The following ATG7 variants were observed in gnomAD, a reference collection of about 807,000 sequenced individuals.
ATG7 encodes ubiquitin-like modifier-activating enzyme ATG7.
A neutral mutation model predicts 82.4 loss-of-function variants in ATG7; 70 were observed. The ratio of observed to expected loss-of-function variants is 0.85; its 90% confidence interval spans 0.70 to 1.04. The LOEUF is 1.04. ATG7 is among the 50% of genes least tolerant of loss of function. The pLI is 0.00. For synonymous variants in ATG7, 287 were observed against 313.0 expected, an observed-to-expected ratio of 0.92 and a Z score of 0.88; for missense variants, 792 against 864.3, an observed-to-expected ratio of 0.92 and a Z score of 1.05.
At chr3:11,351,172 C>T (rs939997701) in intron 14 of ATG7, among the ~76,000 whole-genome samples, 2 of 152,136 alleles carry the variant, frequency 1.3e-5, no homozygotes, top group Non-Finnish European at 2.9e-5. Context: ...TAAGACCTCC[C>T]GTGTTCCAGG....
intron 1 of ATG7, among the ~76,000 whole-genome samples, chr3:11,278,624 C>T (rs913034161): frequency 2.6e-5 from 4 of 152,040 alleles, no homozygotes; most frequent in South Asian, 2.1e-4. Flanking sequence ...GAAGCTGGCA[C>T]GGTTCCTTTC....
At chr3:11,468,882 T>C (rs954288870) in intron 20 of ATG7, among the ~76,000 whole-genome samples, 1 of 152,368 alleles carries the variant, frequency 6.6e-6, no homozygotes, top group East Asian at 1.9e-4. Flanking sequence ...ACCTAATGTA[T>C]TTTTGTAATG....
intron 19 of ATG7, 107 bp from the exon 20 acceptor site, chr3:11,426,697 T>C: frequency 8.7e-7 from 1 of 1,145,756 alleles, no homozygotes; most frequent in Non-Finnish European, 1.2e-6. Context: ...CCATGTTTAA[T>C]TCTCATTTTA....
intron 1 of ATG7, among the ~76,000 whole-genome samples, chr3:11,278,816 T>C (rs2152631121): frequency 6.6e-6 from 1 of 152,306 alleles, no homozygotes; most frequent in South Asian, 2.1e-4. Flanking sequence ...ATACGTGCTA[T>C]GAAGGTAAGG....
At chr3:11,333,631 T>A (rs1246705993) in intron 11 of ATG7, among the ~76,000 whole-genome samples, 1 of 151,170 alleles carries the variant, frequency 6.6e-6, no homozygotes, top group Non-Finnish European at 1.5e-5. Context: ...GAGAGATATA[T>A]GTGTGTGTGT....
In ATG7 at chr3:11,348,139, C is replaced by T. The variant is rs180833166; in HGVS notation, c.1284+104C>T. On this transcript the variant is annotated intron_variant, in intron 14 of 20. Transcript: ENST00000693202. ...AAGAAAGAGAGTCAGATATCTGTCA[C>T]TTTCTACCAGCCACTCGCTATGTGG... 1.7e-4 allele frequency: 242 copies of T among 1,444,146 alleles called. 1 individual carries two copies. In the Middle Eastern group the frequency reaches 2.4e-3, roughly 14 times the overall value. The allele number at this position is 1,444,146 out of a possible 1,614,324, so 89.5% of individuals were successfully genotyped here.
chr3:11,505,398 CTG>C (rs1216024582), intron 20 of ATG7, among the ~76,000 whole-genome samples: 4 of 152,242 alleles, frequency 2.6e-5, no homozygotes, highest in African/African-American at 4.8e-5. Context: ...CCCTTGGTGT[CTG>C]TGTTGTTTAG....
downstream of ATG7, chr3:11,559,575 C>T (rs758385531): frequency 2.2e-5 from 30 of 1,364,544 alleles, no homozygotes; most frequent in Admixed American, 9.8e-5. Flanking sequence ...CAGTCTGCCA[C>T]CTCCCACTTC....
intron 19 of ATG7, among the ~76,000 whole-genome samples, chr3:11,405,770 A>T (rs1294730409): frequency 6.6e-6 from 1 of 151,302 alleles, no homozygotes; most frequent in African/African-American, 2.4e-5. Flanking sequence ...TGGGACTACA[A>T]ATGCATGTCA....
At chr3:11,372,026 A>G (rs1472963472) in intron 18 of ATG7, among the ~76,000 whole-genome samples, 2 of 151,408 alleles carry the variant, frequency 1.3e-5, no homozygotes, top group Non-Finnish European at 2.9e-5. Context: ...TGCTTTTTGC[A>G]TGCTGTCTGC....
intron 20 of ATG7, among the ~76,000 whole-genome samples, chr3:11,434,810 G>A (rs909268467): frequency 3.3e-5 from 5 of 152,148 alleles, no homozygotes; most frequent in Non-Finnish European, 5.9e-5. Flanking sequence ...AAAGAAGGGG[G>A]GAAATCATAA....
chr3:11,348,771 C>G (rs940778135), intron 14 of ATG7: 1 of 152,248 alleles, frequency 6.6e-6, no homozygotes, highest in Non-Finnish European at 1.5e-5. Flanking sequence ...GTCCATCTTA[C>G]AGGGTGCTGA....
chr3:11,350,363 T>C (rs544237234), intron 14 of ATG7, among the ~76,000 whole-genome samples: 58 of 152,272 alleles, frequency 3.8e-4, no homozygotes, highest in African/African-American at 1.1e-3. Context: ...AATCCCAAAA[T>C]CTCAGTGGCT....
Position 11,469,418 on chromosome 3 carries a change from C to T in ATG7, c.2079+42492C>T, listed in dbSNP as rs558690036. The stretch of plus-strand genomic sequence containing the variant: ...GAGCTGAGATCGTGCCACTGCACTC[C>T]GGCCTGGGCAACAAGAGCAAAACTC... On this transcript the variant is annotated intron_variant, in intron 20 of 20. Transcript: ENST00000693202. Among the ~76,000 whole-genome samples, 22 of 151,546 alleles carry T rather than the reference C, an allele frequency of 1.5e-4. No homozygotes were observed. The South Asian group carries it at 3.1e-3, about 22-fold the overall frequency.
At chr3:11,302,326 G>A (rs1946908558) in intron 5 of ATG7, among the ~76,000 whole-genome samples, 1 of 152,162 alleles carries the variant, frequency 6.6e-6, no homozygotes, top group African/African-American at 2.4e-5. Context: ...TATTAGGATG[G>A]CTGAGAAGTT....
chr3:11,512,970 G>A (rs1024976732), intron 20 of ATG7, among the ~76,000 whole-genome samples: 5 of 152,016 alleles, frequency 3.3e-5, no homozygotes, highest in Non-Finnish European at 7.4e-5. Flanking sequence ...TACAGAGTGT[G>A]GACACAAAGG....
At chr3:11,568,245 T>G in the ATG7 span, among the ~76,000 whole-genome samples, 1 of 152,208 alleles carries the variant, frequency 6.6e-6, no homozygotes, top group Non-Finnish European at 1.5e-5. The surrounding 1 kb of genome is among the most constrained non-coding windows in gnomAD (Gnocchi z 5.9). Flanking sequence ...CCCTCGCACC[T>G]TATGTCCTAG....
Position 11,485,339 on chromosome 3 carries a change from CT to C in ATG7, c.2079+58417del, listed in dbSNP as rs201722525. Among the ~76,000 whole-genome samples the C allele has an allele frequency of 5.4e-4, 83 of 152,306 alleles. 1 individual carries two copies. The East Asian group carries it at 0.01, about 18-fold the overall frequency. On this transcript the variant is annotated intron_variant, in intron 20 of 20. Transcript: ENST00000693202. ...TGTTTTTTGGCTGCATAAATGTCGT[CT>C]TTTGAGAAGTGTCTGTTCATATTCT... is the stretch of plus-strand genomic sequence containing the variant.
chr3:11,434,887 A>G (rs1009832913), intron 20 of ATG7, among the ~76,000 whole-genome samples: 10 of 152,220 alleles, frequency 6.6e-5, no homozygotes, highest in Non-Finnish European at 1.5e-4. Context: ...TCCTTCTTAC[A>G]TTGTACTCCT....
Sources: gnomAD v4.1 joint callset for allele counts (sites outside exome capture counted in the v4.1 genomes callset) on GRCh38, gnomAD v4.1.1 for gene constraint, Gnocchi (gnomAD v3.1) non-coding constraint, MANE v1.5 for transcripts, NCBI Gene and HGNC (gene_info 2026-07-23, HGNC 2026-07-21) for gene names.